MEGF11: variants seen among roughly 807,000 people sequenced by gnomAD.
The protein encoded by MEGF11 is multiple EGF like domains 11, also known as multiple epidermal growth factor-like domains protein 11.
In MEGF11, 126 loss-of-function variants were observed where a neutral mutation model predicts 146.6. That is an observed-to-expected ratio of 0.86 (90% CI 0.74 to 1.00). MEGF11 has a LOEUF of 1.00. Ranked by LOEUF, MEGF11 falls within the 50% of genes least tolerant of loss-of-function variation. MEGF11 has a pLI of 0.00. For synonymous variants in MEGF11, 532 were observed against 583.4 expected, an observed-to-expected ratio of 0.91 and a Z score of 1.27; for missense variants, 1,509 against 1,521.2, an observed-to-expected ratio of 0.99 and a Z score of 0.13.
chr15:66,181,859 C>G (rs1226390865), intron 1 of MEGF11, among the ~76,000 whole-genome samples: 2 of 152,184 alleles, frequency 1.3e-5, no homozygotes, highest in Non-Finnish European at 2.9e-5. Flanking sequence ...GACCTCCCAT[C>G]CTGTGAGTTC....
chr15:65,986,240 A>G (rs2081853316), intron 5 of MEGF11, among the ~76,000 whole-genome samples: 1 of 152,144 alleles, frequency 6.6e-6, no homozygotes, highest in African/African-American at 2.4e-5. Context: ...GCTCAGGACA[A>G]TGTCTGCATG....
chr15:66,171,256 G>A (rs113676628), intron 1 of MEGF11, among the ~76,000 whole-genome samples: 1,725 of 152,290 alleles, frequency 0.011, 28 homozygotes, highest in African/African-American at 0.039. Flanking sequence ...GCAGGCCGGG[G>A]CAGGTATCTG....
intron 5 of MEGF11, among the ~76,000 whole-genome samples, chr15:66,032,005 G>A (rs577446511): frequency 1.3e-4 from 20 of 152,300 alleles, no homozygotes; most frequent in African/African-American, 4.6e-4. Flanking sequence ...ATTCTCATGG[G>A]AGCACACACC....
At position 65,927,980 on chromosome 15, in the gene MEGF11, G is replaced by C. The variant is rs539457277; in HGVS notation, c.1675+445C>G. 9.0e-4 allele frequency among the ~76,000 whole-genome samples: 137 copies of C among 152,318 alleles called. 1 individual carries two copies. The highest frequency in any genetic ancestry group is 3.2e-3 in the African/African-American group (135 of 41,572). On this transcript the variant is annotated intron_variant, in intron 13 of 25. Coordinates refer to ENST00000395614, the MANE Select transcript of MEGF11 (RefSeq NM_001385028.1). ...CAGCTGGGCAAGAGCGGAGGCCAAG[G>C]CAGTGCCAGATGCGGGATGGTACCC...
intron 5 of MEGF11, among the ~76,000 whole-genome samples, chr15:66,045,564 C>T (rs764248708): frequency 6.6e-6 from 1 of 152,196 alleles, no homozygotes; most frequent in Non-Finnish European, 1.5e-5. Flanking sequence ...CCCTTGTAGC[C>T]AGGCAGGTCT....
intron 1 of MEGF11, among the ~76,000 whole-genome samples, chr15:66,211,465 A>G (rs190214563): frequency 4.0e-5 from 6 of 151,140 alleles, no homozygotes; most frequent in African/African-American, 1.5e-4. Flanking sequence ...GGGAGCTTGC[A>G]GTGAGCCAAG....
intron 1 of MEGF11, among the ~76,000 whole-genome samples, chr15:66,129,113 A>G (rs1446855928): frequency 6.6e-6 from 1 of 152,250 alleles, no homozygotes; most frequent in Non-Finnish European, 1.5e-5. Context: ...CTGAAGTGAC[A>G]GCCTATGGCA....
chr15:66,212,799 C>G (rs1297510876), intron 1 of MEGF11, among the ~76,000 whole-genome samples: 1 of 152,242 alleles, frequency 6.6e-6, no homozygotes, highest in East Asian at 1.9e-4. Flanking sequence ...GGGACTCCCC[C>G]CCAGCCATAC....
chr15:66,173,967 C>A lies in MEGF11; in HGVS notation c.-8-45556G>T, dbSNP rs553085144. Among the ~76,000 whole-genome samples the A allele has an allele frequency of 2.0e-5, 3 of 152,336 alleles. No homozygotes were observed. In the East Asian group the frequency reaches 5.8e-4, roughly 29 times the overall value. The stretch of plus-strand genomic sequence containing the variant: ...TCAGAGGGGCCGACCCTGCCTTCCT[C>A]TATAGCCTGAGACATGCTCCCATAT... On this transcript the variant is annotated intron_variant, in intron 1 of 25. Coordinates refer to ENST00000395614, the MANE Select transcript of MEGF11 (RefSeq NM_001385028.1).
chr15:65,993,473 T>C (rs1410421670), intron 5 of MEGF11, among the ~76,000 whole-genome samples: 1 of 152,154 alleles, frequency 6.6e-6, no homozygotes, highest in African/African-American at 2.4e-5. Context: ...ATCTCCACAA[T>C]TTGCCTGGAA....
intron 5 of MEGF11, among the ~76,000 whole-genome samples, chr15:66,084,107 G>T (rs2086003086): frequency 6.6e-6 from 1 of 152,124 alleles, no homozygotes; most frequent in South Asian, 2.1e-4. Flanking sequence ...CACAAACCTA[G>T]ATGGTATAGC....
chr15:66,156,897 C>A (rs143899720), intron 1 of MEGF11, among the ~76,000 whole-genome samples: 2 of 152,210 alleles, frequency 1.3e-5, no homozygotes, highest in South Asian at 4.2e-4. Flanking sequence ...CAGGCAGAAC[C>A]CCCTAAACCC....
chr15:66,228,455 G>A (rs2091897587), intron 1 of MEGF11, among the ~76,000 whole-genome samples: 1 of 152,136 alleles, frequency 6.6e-6, no homozygotes, highest in Non-Finnish European at 1.5e-5. Context: ...CAGCTGGGGA[G>A]AGGGGGTGCC....
chr15:66,046,321 C>T (rs564981504), intron 5 of MEGF11, among the ~76,000 whole-genome samples: 2 of 152,332 alleles, frequency 1.3e-5, no homozygotes, highest in South Asian at 2.1e-4. Flanking sequence ...ACTATCCAAA[C>T]TTCCCAAATA....
intron 5 of MEGF11, among the ~76,000 whole-genome samples, chr15:65,994,072 C>T (rs150902341): frequency 6.6e-5 from 10 of 152,312 alleles, no homozygotes; most frequent in African/African-American, 9.6e-5. Context: ...GCTGTGTTTT[C>T]GACCTGGATC....
chr15:66,085,372 C>T (rs2086064696), intron 5 of MEGF11, among the ~76,000 whole-genome samples: 1 of 152,118 alleles, frequency 6.6e-6, no homozygotes, highest in Admixed American at 6.5e-5. Flanking sequence ...GGCCAACCAG[C>T]ACAAAAAAAG....
At chr15:66,150,664 C>T (rs894786338) in intron 1 of MEGF11, among the ~76,000 whole-genome samples, 1 of 112,076 alleles carries the variant, frequency 8.9e-6, no homozygotes. Flanking sequence ...AAGGGGTTCA[C>T]CTGGGAATCT....
rs1002972178 is a variant in MEGF11, at chr15:65,982,763, C to G, written c.395-275G>C. ...CCTGGTCCGGCCATTCTCTTCCAAC[C>G]AAATGGCTGCCCTAAGCCCCCCTCT... On this transcript the variant is annotated intron_variant, in intron 5 of 25. Coordinates refer to ENST00000395614, the MANE Select transcript of MEGF11 (RefSeq NM_001385028.1). This position sits in a 1 kb window ranked among gnomAD's most constrained non-coding sequence, Gnocchi z 5.6. Among the ~76,000 whole-genome samples, 2 of 152,192 alleles carry G rather than the reference C, an allele frequency of 1.3e-5. No individual in the cohort carries two copies. Among genetic ancestry groups the G allele is most frequent in the Admixed American group, 1.3e-4 (2 of 15,284 alleles).
At chr15:66,189,254 C>T (rs973687105) in intron 1 of MEGF11, among the ~76,000 whole-genome samples, 9 of 152,032 alleles carry the variant, frequency 5.9e-5, no homozygotes, top group African/African-American at 1.9e-4. Flanking sequence ...GGAGGGGAGG[C>T]CAAGGAATCC....
Sources: allele counts gnomAD v4.1 joint callset (sites outside exome capture counted in the v4.1 genomes callset), GRCh38; gene constraint gnomAD v4.1.1; non-coding constraint Gnocchi (gnomAD v3.1); transcripts MANE v1.5; gene names NCBI Gene and HGNC (gene_info 2026-07-23, HGNC 2026-07-21).